MIS12: variants seen among roughly 807,000 people sequenced by gnomAD.
MIS12 encodes the protein protein MIS12 homolog.
In MIS12, 13 loss-of-function variants were observed where a neutral mutation model predicts 16.5. That is an observed-to-expected ratio of 0.79 (90% CI 0.51 to 1.25). MIS12 has a LOEUF of 1.25. MIS12 is among the 50% of genes most tolerant of loss of function. The probability of loss-of-function intolerance (pLI) is 0.00; values close to 1 mark genes in which losing one functional copy is unlikely to be tolerated. For missense variants in MIS12, 199 were observed against 239.5 expected (o/e 0.83, Z 1.12); for synonymous variants, 97 against 87.3 (o/e 1.11, Z -0.62).
chr17:5,488,471 GC>G lies in MIS12; in HGVS notation c.-158del. On this transcript the variant is annotated 5_prime_UTR_variant, in exon 2 of 3. Coordinates refer to ENST00000611091, the MANE Select transcript of MIS12 (RefSeq NM_001258217.2). ...AAGAGCCAGGTGGCTAAAAGGTGGA[GC>G]TATAGGTCATTGAAGCTCAAGAAAC... 1 of 177,500 alleles carries G rather than the reference GC, an allele frequency of 5.6e-6. No homozygotes were observed. The highest frequency in any genetic ancestry group is 1.2e-4 in the South Asian group (1 of 8,162). The allele number at this position is 177,500 out of a possible 1,614,324, so 11.0% of individuals were successfully genotyped here. A position where few individuals can be genotyped will look rare whatever the true frequency, so the allele number is the denominator to read the frequency against.
intron 2 of MIS12, 82 bp downstream of exon 2, chr17:5,488,671 T>A (rs1906547964): frequency 1.7e-6 from 1 of 602,190 alleles, no homozygotes; most frequent in South Asian, 2.1e-5. Context: ...AGAGTTTATA[T>A]CCTGTTGTGG....
At chr17:5,487,360 C>T (rs575275834) in intron 1 of MIS12, among the ~76,000 whole-genome samples, 1 of 151,722 alleles carries the variant, frequency 6.6e-6, no homozygotes, top group Non-Finnish European at 1.5e-5. Context: ...TGCTTGGGCG[C>T]GGGAGGTTGA....
chr17:5,489,194 A>C lies in MIS12; in HGVS notation c.332A>C (p.Glu111Ala). The C allele has an allele frequency of 2.5e-6, 4 of 1,614,214 alleles. No individual in the cohort carries two copies. The highest frequency in any genetic ancestry group is 3.4e-6 in the Non-Finnish European group (4 of 1,180,044). The change falls in exon 3 of 3, where the codon GAG (glutamate) becomes GCG (alanine). Residue 111 changes from glutamate (E) to alanine (A), a missense_variant. Glu to Ala is a moderately radical substitution (Grantham distance 107). Coordinates refer to ENST00000611091, the MANE Select transcript of MIS12 (RefSeq NM_001258217.2). ...AAATGTAAGGAGACACCTTATAGTG[A>C]GGAAGATTTTCAGCATCTCCAGAAA... ...EDKCKETPYS[E>A]EDFQHLQKEI... is the part of the protein sequence containing the mutation.
chr17:5,489,566 G>C lies in MIS12; in HGVS notation c.*86G>C, dbSNP rs1164587144. On this transcript the variant is annotated 3_prime_UTR_variant, in exon 3 of 3. Transcript: ENST00000611091. ...CATAAGGACTGTTCAAATCATACCA[G>C]TGACTGTTCAAACCAACCATACTTT... The C allele has an allele frequency of 1.5e-6, 2 of 1,367,306 alleles. No individual in the cohort carries two copies. The highest frequency in any genetic ancestry group is 2.0e-6 in the Non-Finnish European group (2 of 1,012,886). 84.7% of individuals were successfully genotyped at this position (1,367,306 alleles called of 1,614,324 possible).
rs750739296 is a variant in MIS12 at position 5,488,929 on chromosome 17, C to T, written c.67C>T (p.Arg23Trp). 70 of 1,614,166 alleles carry T rather than the reference C, an allele frequency of 4.3e-5. No individual in the cohort carries two copies. In the Middle Eastern group the frequency reaches 6.6e-4, roughly 15 times the overall value. Reference sequence around the variant, plus strand: ...CTTCACGCCACAAACGTGCATGCTTCGGATCTACATTGCATTTCAAGACTA... The same window carrying T: ...CTTCACGCCACAAACGTGCATGCTTTGGATCTACATTGCATTTCAAGACTA... ...FGFTPQTCML[R>W]IYIAFQDYLF... The change falls in exon 3 of 3, where the codon CGG (arginine) becomes TGG (tryptophan). Residue 23 changes from arginine to tryptophan, a missense_variant. Physicochemically the swap from Arg to Trp is moderately radical, Grantham distance 101 (BLOSUM62 -3). Transcript: ENST00000611091.
chr17:5,488,660 A>G (rs1906545884), intron 2 of MIS12, 71 bp downstream of exon 2: 1 of 423,978 alleles, frequency 2.4e-6, no homozygotes, highest in Non-Finnish European at 3.7e-6. Flanking sequence ...CAGAGAGGCA[A>G]AGAGTTTATA....
At position 5,490,502 on chromosome 17, in the gene MIS12, C is replaced by G. The variant is rs749103929; in HGVS notation, c.*1022C>G. 1 of 167,012 alleles carries G rather than the reference C, an allele frequency of 6.0e-6. No individual in the cohort carries two copies. Among genetic ancestry groups the G allele is most frequent in the African/African-American group, 2.4e-5 (1 of 41,406 alleles). 10.3% of individuals were successfully genotyped at this position (167,012 alleles called of 1,614,324 possible). A position where few individuals can be genotyped will look rare whatever the true frequency, so the allele number is the denominator to read the frequency against. Reference sequence around the variant, plus strand: ...ACTCATAAGCATCAAATATTTAATGCCCTCAGTGGGAAATTTGTGTTTAAA... The same window carrying G: ...ACTCATAAGCATCAAATATTTAATGGCCTCAGTGGGAAATTTGTGTTTAAA... On this transcript the variant is annotated 3_prime_UTR_variant, in exon 3 of 3. Coordinates refer to ENST00000611091, the MANE Select transcript of MIS12 (RefSeq NM_001258217.2).
In MIS12 at chr17:5,489,584, C is replaced by T. The variant is rs534225924; in HGVS notation, c.*104C>T. 14 of 1,255,070 alleles carry T rather than the reference C, an allele frequency of 1.1e-5. No individual in the cohort carries two copies. In the African/African-American group the frequency reaches 2.0e-4, roughly 18 times the overall value. The allele number at this position is 1,255,070 out of a possible 1,614,324, so 77.7% of individuals were successfully genotyped here. A position where few individuals can be genotyped will look rare whatever the true frequency, so the allele number is the denominator to read the frequency against. On this transcript the variant is annotated 3_prime_UTR_variant, in exon 3 of 3. Coordinates refer to ENST00000611091, the MANE Select transcript of MIS12 (RefSeq NM_001258217.2). ...CATACCAGTGACTGTTCAAACCAAC[C>T]ATACTTTTTATTAGATTTGCTTTGT... is the stretch of plus-strand genomic sequence containing the variant.
chr17:5,489,493 C>A lies in MIS12; in HGVS notation c.*13C>A. On this transcript the variant is annotated 3_prime_UTR_variant, in exon 3 of 3. Transcript: ENST00000611091. The stretch of plus-strand genomic sequence containing the variant: ...GAAAATATCTTAATTGCTCAGTAGT[C>A]AAAAGGAGGAGCCTGTCAAAAAGTA... 3 of 1,564,884 alleles carry A rather than the reference C, an allele frequency of 1.9e-6. No homozygotes were observed. The South Asian group carries it at 3.7e-5, about 19-fold the overall frequency.
chr17:5,487,750 T>C (rs2151717455), intron 1 of MIS12: 1 of 152,324 alleles, frequency 6.6e-6, no homozygotes, highest in Admixed American at 6.5e-5. Flanking sequence ...CAGGCTGGTC[T>C]CGAACTCCTG....
Position 5,489,595 on chromosome 17 carries a change from T to A in MIS12, c.*115T>A. The A allele has an allele frequency of 8.4e-7, 1 of 1,185,986 alleles. No individual in the cohort carries two copies. Among genetic ancestry groups the A allele is most frequent in the Non-Finnish European group, 1.2e-6 (1 of 863,686 alleles). The allele number at this position is 1,185,986 out of a possible 1,614,324, so 73.5% of individuals were successfully genotyped here. A position where few individuals can be genotyped will look rare whatever the true frequency, so the allele number is the denominator to read the frequency against. ...CTGTTCAAACCAACCATACTTTTTA[T>A]TAGATTTGCTTTGTCAACTCTTTCT... On this transcript the variant is annotated 3_prime_UTR_variant, in exon 3 of 3. Coordinates refer to ENST00000611091, the MANE Select transcript of MIS12 (RefSeq NM_001258217.2).
chr17:5,486,930 G>T (rs900735352), intron 1 of MIS12: 3 of 152,276 alleles, frequency 2.0e-5, no homozygotes, highest in African/African-American at 7.2e-5. Context: ...AGCTCAACTC[G>T]CCGAGATGAC....
intron 1 of MIS12, 95 bp from the exon 2 acceptor site, chr17:5,488,101 A>G (rs192451477): frequency 6.6e-6 from 1 of 152,180 alleles, no homozygotes; most frequent in Non-Finnish European, 1.5e-5. Flanking sequence ...AGATGTTTAT[A>G]TTTGAGAGGA....
At position 5,490,159 on chromosome 17, in the gene MIS12, A is replaced by G. The variant is rs1474224483; in HGVS notation, c.*679A>G. On this transcript the variant is annotated 3_prime_UTR_variant, in exon 3 of 3. Transcript: ENST00000611091. ...GCTCTCGTCCTGTGAATTTTCTTTCATGAGGGAGTCAATATGTAGTGGAAA... is the reference window on the plus strand; with the variant it reads ...GCTCTCGTCCTGTGAATTTTCTTTCGTGAGGGAGTCAATATGTAGTGGAAA... 6.0e-6 allele frequency: 1 copy of G among 167,048 alleles called. No individual in the cohort carries two copies. The highest frequency in any genetic ancestry group is 1.5e-5 in the Non-Finnish European group (1 of 68,114). The allele number at this position is 167,048 out of a possible 1,614,324, so 10.3% of individuals were successfully genotyped here. A position where few individuals can be genotyped will look rare whatever the true frequency, so the allele number is the denominator to read the frequency against.
In MIS12 at chr17:5,489,612, A is replaced by G. The variant is rs1195692157; in HGVS notation, c.*132A>G. ...ACTTTTTATTAGATTTGCTTTGTCA[A>G]CTCTTTCTTGTATTCTGTGTTTTCC... On this transcript the variant is annotated 3_prime_UTR_variant, in exon 3 of 3. Coordinates refer to ENST00000611091, the MANE Select transcript of MIS12 (RefSeq NM_001258217.2). 3.8e-6 allele frequency: 4 copies of G among 1,055,580 alleles called. No individual in the cohort carries two copies. Among genetic ancestry groups the G allele is most frequent in the Non-Finnish European group, 5.3e-6 (4 of 752,524 alleles). The allele number at this position is 1,055,580 out of a possible 1,614,324, so 65.4% of individuals were successfully genotyped here.
intron 2 of MIS12, 116 bp from the exon 3 acceptor site, chr17:5,488,707 C>T (rs1597378825): frequency 1.2e-6 from 1 of 832,520 alleles, no homozygotes; most frequent in East Asian, 2.7e-5. Context: ...TAAAGGAACA[C>T]AAACTCCTTA....
In MIS12 at chr17:5,489,435, T is replaced by G. The variant is rs1227235860; in HGVS notation, c.573T>G (p.Ile191Met). The change falls in exon 3 of 3, where the codon ATT becomes ATG. Residue 191 changes from isoleucine (I) to methionine (M), a missense_variant. By Grantham distance (10) the Ile-to-Met change is conservative. Transcript: ENST00000611091. ...LVQNSRKLQN[I>M]RDNVEKESKR... ...AGAACTCCAGAAAACTACAGAACAT[T>G]AGAGACAATGTGGAAAAGGAATCGA... 6.2e-7 allele frequency: 1 copy of G among 1,600,190 alleles called. No homozygotes were observed. The highest frequency in any genetic ancestry group is 2.2e-5 in the East Asian group (1 of 44,840).
Position 5,488,852 on chromosome 17 carries a change from A to T in MIS12, c.-11A>T. On this transcript the variant is annotated 5_prime_UTR_variant, in exon 3 of 3. Transcript: ENST00000611091. ...TTCACGACTGAAAACAACATAGCAA[A>T]ATAAGCCAAGATGTCTGTGGATCCA... The T allele has an allele frequency of 6.3e-7, 1 of 1,597,400 alleles. No homozygotes were observed. The highest frequency in any genetic ancestry group is 8.5e-7 in the Non-Finnish European group (1 of 1,170,108).
chr17:5,488,733 C>A, intron 2 of MIS12, 90 bp from the exon 3 acceptor site: 2 of 1,003,210 alleles, frequency 2.0e-6, no homozygotes, highest in Non-Finnish European at 1.4e-6. Context: ...TATTGATTTG[C>A]TTCTTTGTTT....
Sources: allele counts gnomAD v4.1 joint callset (sites outside exome capture counted in the v4.1 genomes callset), GRCh38; gene constraint gnomAD v4.1.1; transcripts MANE v1.5; gene names NCBI Gene and HGNC (gene_info 2026-07-23, HGNC 2026-07-21).